Variants in CCDC85C observed in about 807,000 individuals in gnomAD.
CCDC85C encodes the protein coiled-coil domain-containing protein 85C.
Under a neutral mutation model 38.3 loss-of-function variants are expected in CCDC85C, and 18 were observed. The observed-to-expected ratio is 0.47, with a 90% CI of 0.33 to 0.70. CCDC85C has a LOEUF of 0.70. CCDC85C is among the 30% of genes least tolerant of loss of function. The probability of loss-of-function intolerance (pLI) is 0.03; values close to 1 mark genes in which losing one functional copy is unlikely to be tolerated. For missense variants in CCDC85C, 566 were observed against 621.2 expected (o/e 0.91, Z 0.94); for synonymous variants, 264 against 293.8 (o/e 0.90, Z 1.04).
intron 1 of CCDC85C, among the ~76,000 whole-genome samples, chr14:99,560,126 G>A (rs1407896042): frequency 2.0e-5 from 3 of 152,124 alleles, no homozygotes; most frequent in Admixed American, 6.5e-5. Flanking sequence ...ATGCTCCCTG[G>A]ACACCAGGGA....
chr14:99,510,484 C>T lies in CCDC85C; in HGVS notation c.*4762G>A, dbSNP rs1376284414. ...CACCCCCATGTCTACCCGCCCAACC[C>T]GCCCCCGCCACCTGTGCCTCCTCCC... On this transcript the variant is annotated 3_prime_UTR_variant, in exon 6 of 6. Coordinates refer to ENST00000380243, the MANE Select transcript of CCDC85C (RefSeq NM_001144995.2). 3 of 1,275,668 alleles carry T rather than the reference C, an allele frequency of 2.4e-6. No individual in the cohort carries two copies. Among genetic ancestry groups the T allele is most frequent in the Non-Finnish European group, 2.2e-6 (2 of 928,846 alleles). 79.0% of individuals were successfully genotyped at this position (1,275,668 alleles called of 1,614,324 possible). A position where few individuals can be genotyped will look rare whatever the true frequency, so the allele number is the denominator to read the frequency against.
At chr14:99,561,171 T>C (rs141942355) in intron 1 of CCDC85C, among the ~76,000 whole-genome samples, 2,249 of 152,332 alleles carry the variant, frequency 0.015, 18 homozygotes, top group Non-Finnish European at 0.018. Flanking sequence ...ACAAGCCACA[T>C]GGCCGTAGCG....
intron 1 of CCDC85C, among the ~76,000 whole-genome samples, chr14:99,582,335 A>G (rs2054981052): frequency 6.6e-6 from 1 of 152,222 alleles, no homozygotes; most frequent in African/African-American, 2.4e-5. Flanking sequence ...TACAAAGAAC[A>G]GTCAGTGATG....
Position 99,506,703 on chromosome 14 carries a change from T to C in CCDC85C, c.*8543A>G, listed in dbSNP as rs562760896. ...ACTCAGTGACATGATGTTGCTACTC[T>C]GGACCCTTCTTTGTGTCCTCTGTAC... On this transcript the variant is annotated 3_prime_UTR_variant, in exon 6 of 6. Coordinates refer to ENST00000380243, the MANE Select transcript of CCDC85C (RefSeq NM_001144995.2). 94 of 248,818 alleles carry C rather than the reference T, an allele frequency of 3.8e-4. 1 individual carries two copies. Among genetic ancestry groups the C allele is most frequent in the South Asian group, 3.3e-3 (68 of 20,370 alleles). 15.4% of individuals were successfully genotyped at this position (248,818 alleles called of 1,614,324 possible).
chr14:99,503,426 G>A lies in CCDC85C; in HGVS notation c.*11820C>T, dbSNP rs1397694312. 2 of 609,462 alleles carry A rather than the reference G, an allele frequency of 3.3e-6. No individual in the cohort carries two copies. The highest frequency in any genetic ancestry group is 5.9e-6 in the Non-Finnish European group (2 of 341,268). 37.8% of individuals were successfully genotyped at this position (609,462 alleles called of 1,614,324 possible). Reference sequence around the variant, plus strand: ...CTTATTTGGTAAATGGAAAGAGGAAGGGAGCAGAAATGATGATCTGGTAGG... The same window carrying A: ...CTTATTTGGTAAATGGAAAGAGGAAAGGAGCAGAAATGATGATCTGGTAGG... On this transcript the variant is annotated 3_prime_UTR_variant, in exon 6 of 6. Transcript: ENST00000380243.
In CCDC85C at chr14:99,545,540, C is replaced by T. The variant is rs1291053159; in HGVS notation, c.794-9452G>A. On this transcript the variant is annotated intron_variant, in intron 1 of 5. Transcript: ENST00000380243. The surrounding 1 kb of genome is among the most constrained non-coding windows in gnomAD (Gnocchi z 4.7). Reference sequence around the variant, plus strand: ...TCCCTGTGCCTTCAAGGGCTGCACGCATCTGGAAATTGACCTGTGTGTGTG... The same window carrying T: ...TCCCTGTGCCTTCAAGGGCTGCACGTATCTGGAAATTGACCTGTGTGTGTG... 6.6e-6 allele frequency among the ~76,000 whole-genome samples: 1 copy of T among 152,160 alleles called. No individual in the cohort carries two copies. The highest frequency in any genetic ancestry group is 2.4e-5 in the African/African-American group (1 of 41,434).
At chr14:99,599,744 T>C (rs1012712460) in intron 1 of CCDC85C, among the ~76,000 whole-genome samples, 43 of 152,190 alleles carry the variant, frequency 2.8e-4, no homozygotes, top group South Asian at 1.5e-3. Flanking sequence ...TCAAAAATTA[T>C]CTGGGCATGG....
rs1312734847 is a variant in CCDC85C, at chr14:99,533,724, C to T, written c.867+2291G>A. ...GCCTGGGGAGGAAGAGGTCCCTGGG[C>T]AGAGCCAGCCCGTCCATCCTTGAGG... On this transcript the variant is annotated intron_variant, in intron 2 of 5. Transcript: ENST00000380243. The surrounding 1 kb of genome is among the most constrained non-coding windows in gnomAD (Gnocchi z 4.2). Among the ~76,000 whole-genome samples, 1 of 152,206 alleles carries T rather than the reference C, an allele frequency of 6.6e-6. No individual in the cohort carries two copies. The highest frequency in any genetic ancestry group is 2.4e-5 in the African/African-American group (1 of 41,460).
chr14:99,577,678 A>AGT (rs56254947), intron 1 of CCDC85C, among the ~76,000 whole-genome samples: 11,069 of 141,760 alleles, frequency 0.078, 665 homozygotes, highest in African/African-American at 0.17. Flanking sequence ...ATCCCCCATC[A>AGT]GTGTGTGTGT....
At chr14:99,592,798 G>T (rs1441522496) in intron 1 of CCDC85C, among the ~76,000 whole-genome samples, 3 of 152,204 alleles carry the variant, frequency 2.0e-5, no homozygotes, top group Admixed American at 1.3e-4. Context: ...TGGGGAAGGA[G>T]CCAGAGGACA....
intron 1 of CCDC85C, among the ~76,000 whole-genome samples, chr14:99,549,416 G>A (rs1439633781): frequency 6.6e-6 from 1 of 152,212 alleles, no homozygotes; most frequent in Admixed American, 6.5e-5. Flanking sequence ...AGAGCCCCAG[G>A]GAGATGAGGG....
Position 99,502,193 on chromosome 14 carries a change from T to TC in CCDC85C, c.*13052dup, listed in dbSNP as rs772659296. The stretch of plus-strand genomic sequence containing the variant: ...GATCATATTATCTAACCTTTTTTTT[T>TC]CTTGTTGAACTAGTCTCTGCACCAC... On this transcript the variant is annotated 3_prime_UTR_variant, in exon 6 of 6. Coordinates refer to ENST00000380243, the MANE Select transcript of CCDC85C (RefSeq NM_001144995.2). 1 of 1,559,158 alleles carries TC rather than the reference T, an allele frequency of 6.4e-7. No homozygotes were observed. Among genetic ancestry groups the TC allele is most frequent in the South Asian group, 1.2e-5 (1 of 83,946 alleles).
chr14:99,574,770 T>C (rs1898436764), intron 1 of CCDC85C, among the ~76,000 whole-genome samples: 1 of 152,202 alleles, frequency 6.6e-6, no homozygotes, highest in African/African-American at 2.4e-5. Context: ...CACTCACAGC[T>C]ATGACCCAGG....
intron 1 of CCDC85C, among the ~76,000 whole-genome samples, chr14:99,597,418 C>A (rs2055154665): frequency 1.3e-5 from 2 of 152,264 alleles, no homozygotes; most frequent in Non-Finnish European, 1.5e-5. Context: ...TGTCTTAGAA[C>A]CCACATCTCA....
intron 1 of CCDC85C, among the ~76,000 whole-genome samples, chr14:99,566,003 G>A (rs911277669): frequency 4.6e-5 from 7 of 152,322 alleles, no homozygotes; most frequent in South Asian, 2.1e-4. Context: ...ACGCAGCGCC[G>A]AAATGTCCTG....
Position 99,604,019 on chromosome 14 carries a change from G to A in CCDC85C, c.-60C>T. The A allele has an allele frequency of 1.2e-5, 13 of 1,118,496 alleles. No individual in the cohort carries two copies. The highest frequency in any genetic ancestry group is 1.4e-5 in the Non-Finnish European group (13 of 917,410). The allele number at this position is 1,118,496 out of a possible 1,614,324, so 69.3% of individuals were successfully genotyped here. A position where few individuals can be genotyped will look rare whatever the true frequency, so the allele number is the denominator to read the frequency against. On this transcript the variant is annotated 5_prime_UTR_variant, in exon 1 of 6. Coordinates refer to ENST00000380243, the MANE Select transcript of CCDC85C (RefSeq NM_001144995.2). The stretch of plus-strand genomic sequence containing the variant: ...CGCCCGGCCGGCGCTTCCCCGCGCC[G>A]GGGCTCCGCTGGGCCGGTCCGCGCG...
rs548409730 is a variant in CCDC85C at position 99,603,998 on chromosome 14, C to A, written c.-39G>T. 4.1e-6 allele frequency: 5 copies of A among 1,208,976 alleles called. No homozygotes were observed. In the East Asian group the frequency reaches 1.4e-4, roughly 34 times the overall value. The allele number at this position is 1,208,976 out of a possible 1,614,324, so 74.9% of individuals were successfully genotyped here. A position where few individuals can be genotyped will look rare whatever the true frequency, so the allele number is the denominator to read the frequency against. On this transcript the variant is annotated 5_prime_UTR_variant, in exon 1 of 6. Transcript: ENST00000380243. The surrounding 1 kb of genome is among the most constrained non-coding windows in gnomAD (Gnocchi z 7.5). ...CCGCGGCATCGCCCTCGCCCTCGCC[C>A]GGCCGGCGCTTCCCCGCGCCGGGGC...
At chr14:99,564,160 T>A (rs1481152687) in intron 1 of CCDC85C, among the ~76,000 whole-genome samples, 1 of 152,232 alleles carries the variant, frequency 6.6e-6, no homozygotes, top group Non-Finnish European at 1.5e-5. Flanking sequence ...GAGAGCACTG[T>A]CTCTCCACAG....
Position 99,502,036 on chromosome 14 carries a change from T to C in CCDC85C, c.*13210A>G. The C allele has an allele frequency of 1.5e-6, 1 of 652,544 alleles. No individual in the cohort carries two copies. The allele number at this position is 652,544 out of a possible 1,614,324, so 40.4% of individuals were successfully genotyped here. ...ATTACTAACTATGGTTAAAGTAACT[T>C]AGTCGGGTACCTTTAGAAGAGTAAA... On this transcript the variant is annotated 3_prime_UTR_variant, in exon 6 of 6. Coordinates refer to ENST00000380243, the MANE Select transcript of CCDC85C (RefSeq NM_001144995.2).
Sources: allele counts gnomAD v4.1 joint callset (sites outside exome capture counted in the v4.1 genomes callset), GRCh38; gene constraint gnomAD v4.1.1; non-coding constraint Gnocchi (gnomAD v3.1); transcripts MANE v1.5; gene names NCBI Gene and HGNC (gene_info 2026-07-23, HGNC 2026-07-21).